The following CADPS2 variants were observed in gnomAD, a reference collection of about 807,000 sequenced individuals.
CADPS2 encodes the protein calcium dependent secretion activator 2, also known as calcium-dependent secretion activator 2.
Under a neutral mutation model 172.5 loss-of-function variants are expected in CADPS2, and 93 were observed. The observed-to-expected ratio is 0.54, with a 90% CI of 0.46 to 0.64. The LOEUF (loss-of-function observed/expected upper bound fraction) is 0.64. Ranked by LOEUF, CADPS2 falls within the 30% of genes least tolerant of loss-of-function variation. CADPS2 has a pLI of 0.00. For synonymous variants in CADPS2, 546 were observed against 555.2 expected, an observed-to-expected ratio of 0.98 and a Z score of 0.23; for missense variants, 1,420 against 1,565.9, an observed-to-expected ratio of 0.91 and a Z score of 1.57.
intron 1 of CADPS2, among the ~76,000 whole-genome samples, chr7:122,737,405 G>A (rs1200088596): frequency 6.6e-6 from 1 of 152,122 alleles, no homozygotes; most frequent in Non-Finnish European, 1.5e-5. Context: ...TGTATTTTTA[G>A]TAGAGATGTT....
chr7:122,669,758 C>CTT (rs2081594426), intron 2 of CADPS2, among the ~76,000 whole-genome samples: 3 of 152,068 alleles, frequency 2.0e-5, no homozygotes, highest in Admixed American at 6.5e-5. Flanking sequence ...GAACCATCAA[C>CTT]CTTTAATCAC....
intron 1 of CADPS2, among the ~76,000 whole-genome samples, chr7:122,757,001 A>C (rs2093191057): frequency 6.6e-6 from 1 of 151,840 alleles, no homozygotes; most frequent in Non-Finnish European, 1.5e-5. Context: ...ACACTGCACA[A>C]CTCCACGGAC....
intron 1 of CADPS2, among the ~76,000 whole-genome samples, chr7:122,761,425 T>C (rs144767113): frequency 0.019 from 2,868 of 152,176 alleles, 46 homozygotes; most frequent in Non-Finnish European, 0.029. Flanking sequence ...TTAATAAGCC[T>C]CACCTATATC....
chr7:122,636,315 T>G (rs1031535254), intron 3 of CADPS2, among the ~76,000 whole-genome samples: 1 of 152,106 alleles, frequency 6.6e-6, no homozygotes, highest in Admixed American at 6.6e-5. Flanking sequence ...CTTTAGTACT[T>G]GCTTATCTGA....
chr7:122,576,804 G>C (rs927662054), intron 7 of CADPS2, among the ~76,000 whole-genome samples: 4 of 141,206 alleles, frequency 2.8e-5, no homozygotes, highest in Admixed American at 7.5e-5. Flanking sequence ...ATGGAGTCTT[G>C]CTCTGTTGCC....
intron 3 of CADPS2, among the ~76,000 whole-genome samples, chr7:122,645,096 G>C (rs745751404): frequency 6.6e-6 from 1 of 151,332 alleles, no homozygotes; most frequent in South Asian, 2.1e-4. Flanking sequence ...GGATCAAAAT[G>C]TTCAAAGGCA....
rs571992788 is a variant in CADPS2, at chr7:122,644,405, A to T, written c.787-15077T>A. Among the ~76,000 whole-genome samples, 11 of 152,268 alleles carry T rather than the reference A, an allele frequency of 7.2e-5. 1 individual carries two copies. In the East Asian group the frequency reaches 2.1e-3, roughly 29 times the overall value. On this transcript the variant is annotated intron_variant, in intron 3 of 29. Coordinates refer to ENST00000449022, the MANE Select transcript of CADPS2 (RefSeq NM_017954.11). ...CTTCTTGGAAGATGACAAACCAATTACTTAACAACAAAGCAGGTACTATCT... is the reference window on the plus strand; with the variant it reads ...CTTCTTGGAAGATGACAAACCAATTTCTTAACAACAAAGCAGGTACTATCT...
chr7:122,738,822 A>G (rs2092319500), intron 1 of CADPS2, among the ~76,000 whole-genome samples: 1 of 150,916 alleles, frequency 6.6e-6, no homozygotes, highest in East Asian at 2.0e-4. Context: ...TTTAAAAAAA[A>G]TTAAAAAGTG....
chr7:122,495,226 A>G (rs1338653826), intron 9 of CADPS2, among the ~76,000 whole-genome samples: 1 of 152,162 alleles, frequency 6.6e-6, no homozygotes, highest in Non-Finnish European at 1.5e-5. Context: ...TCTTAGAGAT[A>G]CATATGCTTT....
At chr7:122,647,894 ATTGAATATATAAT>A (rs1563957779) in intron 3 of CADPS2, among the ~76,000 whole-genome samples, 2 of 152,076 alleles carry the variant, frequency 1.3e-5, no homozygotes, top group African/African-American at 2.4e-5. Context: ...GAAGGAATTT[ATTGAATATATAAT>A]GTTCTTTGTT....
chr7:122,558,146 T>A (rs2065263576), intron 7 of CADPS2, among the ~76,000 whole-genome samples: 1 of 152,216 alleles, frequency 6.6e-6, no homozygotes, highest in Non-Finnish European at 1.5e-5. Flanking sequence ...TCCTAACTAG[T>A]ATATCAACAA....
chr7:122,526,668 G>C (rs912542600), intron 8 of CADPS2, among the ~76,000 whole-genome samples: 1 of 152,108 alleles, frequency 6.6e-6, no homozygotes, highest in Non-Finnish European at 1.5e-5. Flanking sequence ...TTTAGTTCTT[G>C]AGTCTCATAT....
intron 7 of CADPS2, among the ~76,000 whole-genome samples, chr7:122,569,607 C>A: frequency 7.9e-6 from 1 of 126,632 alleles, no homozygotes; most frequent in African/African-American, 3.8e-5. Context: ...AAGCTGGAGG[C>A]ATCACACTAC....
chr7:122,416,102 A>G lies in CADPS2; in HGVS notation c.2539T>C (p.Cys847Arg). ...LEEILHLAEL[C>R]IEVLQQNEEH... is the part of the protein sequence containing the mutation. ...TCATTCTGCTGTAAGACTTCTATGC[A>G]GAGCTCTGCCAGATGAAGAATCTCT... The change falls in exon 18 of 30, where the codon TGC becomes CGC. Residue 847 changes from cysteine to arginine, a missense_variant. Cys to Arg is a radical substitution (Grantham distance 180). Coordinates refer to ENST00000449022, the MANE Select transcript of CADPS2 (RefSeq NM_017954.11). The G allele has an allele frequency of 6.4e-7, 1 of 1,554,474 alleles. No individual in the cohort carries two copies. Among genetic ancestry groups the G allele is most frequent in the Non-Finnish European group, 8.7e-7 (1 of 1,145,718 alleles).
intron 25 of CADPS2, among the ~76,000 whole-genome samples, chr7:122,363,320 T>C (rs1002160055): frequency 3.5e-4 from 53 of 152,326 alleles, no homozygotes; most frequent in African/African-American, 1.3e-3. Flanking sequence ...CTATGGTTAC[T>C]AGACAGCTTG....
At chr7:122,498,645 G>A (rs985921128) in intron 9 of CADPS2, among the ~76,000 whole-genome samples, 1 of 151,836 alleles carries the variant, frequency 6.6e-6, no homozygotes, top group Non-Finnish European at 1.5e-5. Context: ...TGCTTACCCT[G>A]TCTATGGAGG....
chr7:122,708,319 T>G (rs746313888), intron 2 of CADPS2, among the ~76,000 whole-genome samples: 1 of 151,536 alleles, frequency 6.6e-6, no homozygotes, highest in African/African-American at 2.4e-5. Context: ...ATATTCCTTA[T>G]GCAAAATTGT....
chr7:122,847,916 G>A (rs1406474699), intron 1 of CADPS2, among the ~76,000 whole-genome samples: 1 of 152,168 alleles, frequency 6.6e-6, no homozygotes, highest in Admixed American at 6.5e-5. Flanking sequence ...CAATACGGTA[G>A]CAAAGCCAGT....
intron 2 of CADPS2, among the ~76,000 whole-genome samples, chr7:122,734,643 A>T (rs1367293869): frequency 6.6e-6 from 1 of 152,060 alleles, no homozygotes; most frequent in African/African-American, 2.4e-5. Flanking sequence ...AAAATATGCA[A>T]AATATACTTC....
Sources: allele counts gnomAD v4.1 joint callset (sites outside exome capture counted in the v4.1 genomes callset), GRCh38; gene constraint gnomAD v4.1.1; transcripts MANE v1.5; gene names NCBI Gene and HGNC (gene_info 2026-07-23, HGNC 2026-07-21).